TENM3: variants seen among roughly 807,000 people sequenced by gnomAD.
TENM3 encodes teneurin-3.
Under a neutral mutation model 255.1 loss-of-function variants are expected in TENM3, and 63 were observed. The ratio of observed to expected loss-of-function variants is 0.25; its 90% CI spans 0.20 to 0.30. The LOEUF (loss-of-function observed/expected upper bound fraction) is 0.30. Ranked by LOEUF, TENM3 falls within the 10% of genes least tolerant of loss-of-function variation. The pLI is 1.00. For missense variants in TENM3, 2,929 were observed against 3,461.1 expected (o/e 0.85, Z 3.86); for synonymous variants, 1,306 against 1,322.3 (o/e 0.99, Z 0.27).
chr4:181,734,292 T>G, the TENM3 span, among the ~76,000 whole-genome samples: 1 of 151,090 alleles, frequency 6.6e-6, no homozygotes, highest in African/African-American at 2.4e-5. Flanking sequence ...GAGGGCAGGG[T>G]CCTCATCTGT....
At chr4:181,979,749 G>A in the TENM3 span, among the ~76,000 whole-genome samples, 1 of 152,240 alleles carries the variant, frequency 6.6e-6, no homozygotes, top group African/African-American at 2.4e-5. Context: ...TGTGGAAACT[G>A]AGGCTCAGAG....
chr4:182,785,587 C>T (rs1015785116), intron 24 of TENM3, among the ~76,000 whole-genome samples: 3 of 150,706 alleles, frequency 2.0e-5, no homozygotes, highest in East Asian at 2.0e-4. Context: ...GCACGCCTCT[C>T]GTCTCAGCTA....
chr4:182,225,127 G>A (rs138924260), intron 1 of TENM3, among the ~76,000 whole-genome samples: 141 of 152,088 alleles, frequency 9.3e-4, no homozygotes, highest in Non-Finnish European at 1.6e-3. Context: ...GAAAATACTC[G>A]TCTGATAGGT....
the TENM3 span, among the ~76,000 whole-genome samples, chr4:181,606,629 C>A: frequency 1.3e-5 from 2 of 152,092 alleles, no homozygotes; most frequent in Non-Finnish European, 2.9e-5. Context: ...GAGCCTGATT[C>A]TCATTTCCTC....
At chr4:181,552,994 C>T in the TENM3 span, among the ~76,000 whole-genome samples, 43 of 152,284 alleles carry the variant, frequency 2.8e-4, no homozygotes, top group African/African-American at 1.0e-3. Context: ...TTTTCTGACT[C>T]CCTTCTAGGC....
At chr4:181,578,416 T>G in the TENM3 span, among the ~76,000 whole-genome samples, 1 of 152,128 alleles carries the variant, frequency 6.6e-6, no homozygotes, top group African/African-American at 2.4e-5. Flanking sequence ...CTTTCAGCCC[T>G]GGCAAGAGAC....
intron 1 of TENM3, among the ~76,000 whole-genome samples, chr4:182,312,386 T>C (rs568327745): frequency 6.6e-6 from 1 of 152,170 alleles, no homozygotes; most frequent in South Asian, 2.1e-4. Context: ...TAAAATAGAA[T>C]AAATAGAGGT....
intron 3 of TENM3, among the ~76,000 whole-genome samples, chr4:182,372,014 C>G (rs1766852678): frequency 6.6e-6 from 1 of 152,064 alleles, no homozygotes; most frequent in East Asian, 1.9e-4. Context: ...AAAAATATAC[C>G]TTAGAATATC....
At chr4:181,801,375 T>A in the TENM3 span, among the ~76,000 whole-genome samples, 1 of 152,114 alleles carries the variant, frequency 6.6e-6, no homozygotes, top group Non-Finnish European at 1.5e-5. Flanking sequence ...CCTGCATTTA[T>A]TTTCCAGCCA....
At chr4:181,501,911 G>A in the TENM3 span, among the ~76,000 whole-genome samples, 5 of 152,150 alleles carry the variant, frequency 3.3e-5, no homozygotes, top group Non-Finnish European at 5.9e-5. Flanking sequence ...CATAAGTCAG[G>A]AGGGAAAGAA....
the TENM3 span, among the ~76,000 whole-genome samples, chr4:181,600,829 A>G: frequency 1.3e-5 from 2 of 151,126 alleles, no homozygotes; most frequent in Non-Finnish European, 2.9e-5. Context: ...AAAATGTCTT[A>G]TAGTACCAAA....
chr4:182,202,148 T>C (rs1172600360), intron 1 of TENM3, among the ~76,000 whole-genome samples: 4 of 152,186 alleles, frequency 2.6e-5, no homozygotes, highest in Non-Finnish European at 5.9e-5. Flanking sequence ...CCTGTTCCAG[T>C]TGACTGGAAA....
chr4:181,858,924 G>A, the TENM3 span, among the ~76,000 whole-genome samples: 2 of 152,094 alleles, frequency 1.3e-5, no homozygotes, highest in Admixed American at 6.5e-5. Context: ...TTGGGGCAAG[G>A]GAGTGACATG....
At chr4:182,183,257 T>C (rs1299891323) in intron 1 of TENM3, among the ~76,000 whole-genome samples, 2 of 152,152 alleles carry the variant, frequency 1.3e-5, no homozygotes, top group African/African-American at 4.8e-5. Flanking sequence ...GGGAAAGCAA[T>C]AGAACTGCAT....
intron 3 of TENM3, among the ~76,000 whole-genome samples, chr4:182,562,820 G>C (rs1743343948): frequency 6.6e-6 from 1 of 152,140 alleles, no homozygotes; most frequent in African/African-American, 2.4e-5. Flanking sequence ...TTCTGCTCCA[G>C]TCATGCAATC....
chr4:182,497,417 T>C (rs899767230), intron 3 of TENM3, among the ~76,000 whole-genome samples: 2 of 152,220 alleles, frequency 1.3e-5, no homozygotes, highest in Non-Finnish European at 2.9e-5. Flanking sequence ...TAGTGTGCTA[T>C]ACTAAATAAC....
chr4:182,503,644 A>T (rs1736534352), intron 3 of TENM3, among the ~76,000 whole-genome samples: 2 of 152,252 alleles, frequency 1.3e-5, no homozygotes, highest in Admixed American at 1.3e-4. Flanking sequence ...TCTGGATTAG[A>T]TGGTTTTCAC....
the TENM3 span, among the ~76,000 whole-genome samples, chr4:181,797,159 T>A: frequency 1.3e-5 from 2 of 151,562 alleles, no homozygotes; most frequent in South Asian, 4.2e-4. Context: ...TTTTTTAATC[T>A]TTTTTCCTTT....
chr4:181,790,368 T>C, the TENM3 span, among the ~76,000 whole-genome samples: 1 of 152,196 alleles, frequency 6.6e-6, no homozygotes, highest in Non-Finnish European at 1.5e-5. Context: ...AAATAGAACA[T>C]TGTTCCTGAA....
Sources: gnomAD v4.1 joint callset for allele counts (sites outside exome capture counted in the v4.1 genomes callset) on GRCh38, gnomAD v4.1.1 for gene constraint, MANE v1.5 for transcripts, NCBI Gene and HGNC (gene_info 2026-07-23, HGNC 2026-07-21) for gene names.